MTPAP: variants seen among roughly 807,000 people sequenced by gnomAD.
The protein encoded by MTPAP is poly(A) RNA polymerase, mitochondrial.
Under a neutral mutation model 48.7 loss-of-function variants are expected in MTPAP, and 23 were observed. That is an observed-to-expected ratio of 0.47 (90% CI 0.34 to 0.67). The LOEUF is 0.67. Ranked by LOEUF, MTPAP falls within the 30% of genes least tolerant of loss-of-function variation. MTPAP has a pLI of 0.01. For missense variants in MTPAP, 614 were observed against 694.3 expected, an observed-to-expected ratio of 0.88 and a Z score of 1.30; for synonymous variants, 257 against 254.1, an observed-to-expected ratio of 1.01 and a Z score of -0.11.
chr10:30,329,454 G>A (rs576439841), intron 4 of MTPAP, among the ~76,000 whole-genome samples: 6 of 151,962 alleles, frequency 3.9e-5, no homozygotes, highest in African/African-American at 2.4e-5. Context: ...GGCTGGTCTC[G>A]AACTCCTGAG....
rs546068331 is a variant in MTPAP at position 30,349,054 on chromosome 10, T to A, written c.157+65A>T. 5.0e-6 allele frequency: 8 copies of A among 1,610,040 alleles called. No homozygotes were observed. The African/African-American group carries it at 8.0e-5, about 16-fold the overall frequency. On this transcript the variant is annotated intron_variant, in intron 1 of 8. Transcript: ENST00000263063. ...CAGCCGTTTCCACAGGCCACGTGTT[T>A]CCCCGTGATCCCAGACTCCTCGCCC...
At chr10:30,315,263 G>C (rs1248331069) in intron 8 of MTPAP, among the ~76,000 whole-genome samples, 1 of 152,178 alleles carries the variant, frequency 6.6e-6, no homozygotes, top group African/African-American at 2.4e-5. Flanking sequence ...ATGAAAAACG[G>C]AGAGGTGAAG....
intron 5 of MTPAP, among the ~76,000 whole-genome samples, chr10:30,323,801 T>TGTGG (rs1834543386): frequency 1.3e-5 from 2 of 152,236 alleles, no homozygotes; most frequent in Non-Finnish European, 2.9e-5. Flanking sequence ...TGAGCCACTG[T>TGTGG]GCCCAGCCTA....
At chr10:30,323,273 G>A (rs1840747130) in intron 5 of MTPAP, among the ~76,000 whole-genome samples, 1 of 150,474 alleles carries the variant, frequency 6.6e-6, no homozygotes, top group African/African-American at 2.4e-5. Flanking sequence ...CCAACATGGT[G>A]AAACCCTGTC....
intron 8 of MTPAP, 105 bp from the exon 9 acceptor site, chr10:30,314,076 A>G: frequency 8.0e-7 from 1 of 1,250,368 alleles, no homozygotes; most frequent in Non-Finnish European, 1.1e-6. Context: ...CACCAGCATT[A>G]ACTTTACATA....
chr10:30,321,176 T>C (rs1840721131), intron 6 of MTPAP, among the ~76,000 whole-genome samples: 1 of 152,188 alleles, frequency 6.6e-6, no homozygotes. Flanking sequence ...AAAAGTGAGA[T>C]AAGTGACCAC....
chr10:30,316,577 G>A (rs887447641), intron 6 of MTPAP, among the ~76,000 whole-genome samples: 2 of 150,632 alleles, frequency 1.3e-5, no homozygotes, highest in African/African-American at 2.4e-5. Flanking sequence ...CCCTACCTCA[G>A]AATACAAATC....
intron 3 of MTPAP, 101 bp from the exon 4 acceptor site, chr10:30,337,128 CT>C: frequency 9.7e-7 from 1 of 1,027,430 alleles, no homozygotes; most frequent in Non-Finnish European, 1.5e-6. Flanking sequence ...GAAGACCTAC[CT>C]TAGAAATATG....
intron 6 of MTPAP, among the ~76,000 whole-genome samples, chr10:30,318,326 G>A (rs537418465): frequency 1.3e-4 from 20 of 152,006 alleles, no homozygotes; most frequent in South Asian, 1.0e-3. Context: ...CACATTTTAC[G>A]TGCTCTACTA....
At chr10:30,332,693 A>T (rs768160927) in intron 4 of MTPAP, among the ~76,000 whole-genome samples, 13 of 152,124 alleles carry the variant, frequency 8.5e-5, no homozygotes, top group Non-Finnish European at 1.8e-4. Flanking sequence ...GACTCAACTA[A>T]AAGTTTCTAG....
chr10:30,324,269 G>A (rs1834553866), intron 5 of MTPAP, among the ~76,000 whole-genome samples: 1 of 152,150 alleles, frequency 6.6e-6, no homozygotes, highest in South Asian at 2.1e-4. Context: ...TGTAGTCCCA[G>A]CATTTCAAAG....
At chr10:30,348,246 G>A (rs1361297718) in intron 1 of MTPAP, among the ~76,000 whole-genome samples, 11 of 152,156 alleles carry the variant, frequency 7.2e-5, no homozygotes, top group Admixed American at 6.5e-4. Flanking sequence ...GCCTGCCAAT[G>A]TAAGTCTTTT....
In MTPAP at chr10:30,311,226, T is replaced by G. The variant is rs531727534; in HGVS notation, c.*2383A>C. 2.0e-5 allele frequency: 3 copies of G among 152,300 alleles called. No homozygotes were observed. The highest frequency in any genetic ancestry group is 7.2e-5 in the African/African-American group (3 of 41,578). The allele number at this position is 152,300 out of a possible 1,614,324, so 9.4% of individuals were successfully genotyped here. On this transcript the variant is annotated 3_prime_UTR_variant, in exon 9 of 9. Transcript: ENST00000263063. ...AATAAAGAACAAATGAAAAATGGCTTTTAAAGACATCGCCTGTACAGAACA... is the reference window on the plus strand; with the variant it reads ...AATAAAGAACAAATGAAAAATGGCTGTTAAAGACATCGCCTGTACAGAACA...
intron 4 of MTPAP, among the ~76,000 whole-genome samples, chr10:30,332,004 AAC>A (rs1326620790): frequency 6.6e-6 from 1 of 152,260 alleles, no homozygotes; most frequent in South Asian, 2.1e-4. Flanking sequence ...TGAGGAATAA[AAC>A]ACACACACAA....
At chr10:30,314,720 A>G (rs1245290402) in intron 8 of MTPAP, among the ~76,000 whole-genome samples, 6 of 151,922 alleles carry the variant, frequency 3.9e-5, no homozygotes, top group Non-Finnish European at 7.4e-5. Flanking sequence ...TAAAAATACA[A>G]AACTAGCCAG....
chr10:30,313,865 A>C lies in MTPAP; in HGVS notation c.1493T>G (p.Phe498Cys). 1 of 1,614,184 alleles carries C rather than the reference A, an allele frequency of 6.2e-7. No homozygotes were observed. Among genetic ancestry groups the C allele is most frequent in the Non-Finnish European group, 8.5e-7 (1 of 1,180,034 alleles). The stretch of plus-strand genomic sequence containing the variant: ...GGCACTTTCTCGGGCCAAATCTACA[A>C]ATTTTTGCAGCTGGCTTTGACTTAC... ...KNVSQSQLQK[F>C]VDLARESAWI... The change falls in exon 9 of 9, where the codon TTT becomes TGT. Residue 498 changes from phenylalanine (F) to cysteine (C), a missense_variant. By Grantham distance (205) the Phe-to-Cys change is radical. Around this residue, in one of 5 missense-constraint regions of MTPAP, gnomAD observed 109 missense variants for 100.5 expected, o/e 1.08. Coordinates refer to ENST00000263063, the MANE Select transcript of MTPAP (RefSeq NM_018109.4).
At chr10:30,338,991 T>C (rs970324867) in intron 3 of MTPAP, among the ~76,000 whole-genome samples, 7 of 151,506 alleles carry the variant, frequency 4.6e-5, no homozygotes, top group South Asian at 2.1e-4. Context: ...GGCATGGTGG[T>C]GGGCGCCTGT....
intron 4 of MTPAP, among the ~76,000 whole-genome samples, chr10:30,333,019 G>A (rs908215470): frequency 2.0e-5 from 3 of 152,054 alleles, no homozygotes; most frequent in East Asian, 3.9e-4. Flanking sequence ...TACTCGGGAG[G>A]CTGAGGCAGG....
chr10:30,329,518 A>G (rs1211211968), intron 4 of MTPAP, among the ~76,000 whole-genome samples: 2 of 152,018 alleles, frequency 1.3e-5, no homozygotes, highest in Middle Eastern at 6.3e-3. Context: ...ACAGGCATGA[A>G]GCACTGGGCC....
Sources: gnomAD v4.1 joint callset for allele counts (sites outside exome capture counted in the v4.1 genomes callset) on GRCh38, gnomAD v4.1.1 for gene constraint, gnomAD v4.1.1 regional missense constraint, MANE v1.5 for transcripts, NCBI Gene and HGNC (gene_info 2026-07-23, HGNC 2026-07-21) for gene names.